Variants in GRM7 observed in about 807,000 individuals in gnomAD.
GRM7 encodes glutamate metabotropic receptor 7, also known as metabotropic glutamate receptor 7.
A neutral mutation model predicts 84.5 loss-of-function variants in GRM7; 35 were observed. That is an observed-to-expected ratio of 0.41 (90% CI 0.32 to 0.55). The LOEUF (loss-of-function observed/expected upper bound fraction) is 0.55. Ranked by LOEUF, GRM7 falls within the 20% of genes least tolerant of loss-of-function variation. GRM7 has a pLI of 0.19. For missense variants in GRM7, 1,003 were observed against 1,194.6 expected (o/e 0.84, Z 2.36); for synonymous variants, 487 against 455.1 (o/e 1.07, Z -0.89).
chr3:7,170,255 G>A (rs1179034828), intron 2 of GRM7, among the ~76,000 whole-genome samples: 1 of 152,186 alleles, frequency 6.6e-6, no homozygotes, highest in Non-Finnish European at 1.5e-5. Context: ...AGTACATTAA[G>A]TGGGTATTGG....
chr3:7,099,362 G>GTATACATA (rs1236652729), intron 1 of GRM7, among the ~76,000 whole-genome samples: 2 of 146,350 alleles, frequency 1.4e-5, no homozygotes, highest in East Asian at 4.0e-4. Flanking sequence ...ATGTACACAT[G>GTATACATA]TATACATATA....
intron 1 of GRM7, among the ~76,000 whole-genome samples, chr3:6,904,140 T>G (rs959291046): frequency 6.6e-6 from 1 of 152,206 alleles, no homozygotes; most frequent in Non-Finnish European, 1.5e-5. Context: ...TCCATTTTGC[T>G]TATACAATAT....
intron 2 of GRM7, among the ~76,000 whole-genome samples, chr3:7,154,184 A>T (rs1266342357): frequency 6.6e-6 from 1 of 152,202 alleles, no homozygotes; most frequent in African/African-American, 2.4e-5. Context: ...TAAACCAAGA[A>T]CATCGGGTTC....
At chr3:7,710,447 G>A (rs909657700) in intron 9 of GRM7, among the ~76,000 whole-genome samples, 1 of 152,032 alleles carries the variant, frequency 6.6e-6, no homozygotes, top group Non-Finnish European at 1.5e-5. Context: ...GTAATTTCAG[G>A]GTGCCTTGTT....
At chr3:7,540,746 T>C (rs1288550297) in intron 7 of GRM7, among the ~76,000 whole-genome samples, 2 of 152,298 alleles carry the variant, frequency 1.3e-5, no homozygotes, top group East Asian at 1.9e-4. Context: ...CAAAAAGATA[T>C]GTAAAGAAGA....
intron 1 of GRM7, among the ~76,000 whole-genome samples, chr3:7,122,689 T>A (rs1331693483): frequency 6.6e-6 from 1 of 152,220 alleles, no homozygotes; most frequent in Non-Finnish European, 1.5e-5. Flanking sequence ...CAAAAGATAT[T>A]TCAGTGCTAA....
chr3:7,390,804 GT>G (rs200731432), intron 4 of GRM7, among the ~76,000 whole-genome samples: 5 of 150,292 alleles, frequency 3.3e-5, no homozygotes, highest in African/African-American at 7.3e-5. Context: ...GTCTGGTTGA[GT>G]TTTTTTTTGC....
chr3:6,883,147 T>C (rs941438058), intron 1 of GRM7, among the ~76,000 whole-genome samples: 2 of 152,194 alleles, frequency 1.3e-5, no homozygotes, highest in African/African-American at 4.8e-5. Context: ...ACTATATTTC[T>C]TTGGTTAATA....
intron 4 of GRM7, among the ~76,000 whole-genome samples, chr3:7,344,678 G>T (rs1446279824): frequency 6.6e-6 from 1 of 152,250 alleles, no homozygotes; most frequent in Non-Finnish European, 1.5e-5. Context: ...TACACAGAAA[G>T]ATAAATATCA....
intron 2 of GRM7, among the ~76,000 whole-genome samples, chr3:7,291,936 A>C (rs779280998): frequency 7.9e-5 from 12 of 152,178 alleles, no homozygotes; most frequent in Non-Finnish European, 1.8e-4. Context: ...GTGGTGAATA[A>C]GTCTCAGGAG....
At chr3:7,649,297 C>T (rs1053101776) in intron 8 of GRM7, among the ~76,000 whole-genome samples, 4 of 152,044 alleles carry the variant, frequency 2.6e-5, no homozygotes, top group African/African-American at 9.7e-5. Context: ...TCCCGATCTC[C>T]TGACCTCGTG....
chr3:7,102,089 C>A (rs1019936320), intron 1 of GRM7, among the ~76,000 whole-genome samples: 1 of 151,642 alleles, frequency 6.6e-6, no homozygotes, highest in East Asian at 1.9e-4. Context: ...TATTTTACAG[C>A]AACTAAGAAA....
intron 1 of GRM7, among the ~76,000 whole-genome samples, chr3:7,058,507 T>A (rs1024269242): frequency 6.6e-6 from 1 of 151,924 alleles, no homozygotes; most frequent in East Asian, 1.9e-4. Context: ...AATATTGTCA[T>A]TCATCTGGTT....
intron 4 of GRM7, among the ~76,000 whole-genome samples, chr3:7,370,821 G>A (rs912148223): frequency 1.3e-5 from 2 of 152,096 alleles, no homozygotes; most frequent in African/African-American, 4.8e-5. Context: ...CAGAATTCAT[G>A]TTTCCTCTTC....
chr3:7,509,717 A>T (rs972550738), intron 7 of GRM7, among the ~76,000 whole-genome samples: 2 of 152,168 alleles, frequency 1.3e-5, no homozygotes, highest in African/African-American at 2.4e-5. Context: ...ATGGTAGAGA[A>T]GGCAGCCACA....
intron 1 of GRM7, among the ~76,000 whole-genome samples, chr3:6,884,038 T>C (rs1359790511): frequency 6.6e-6 from 1 of 152,240 alleles, no homozygotes; most frequent in African/African-American, 2.4e-5. Flanking sequence ...ATCAGTGAGA[T>C]GACATTTAGT....
At chr3:7,629,893 C>T (rs1188504203) in intron 8 of GRM7, among the ~76,000 whole-genome samples, 1 of 152,082 alleles carries the variant, frequency 6.6e-6, no homozygotes, top group African/African-American at 2.4e-5. Context: ...GATTTATTCC[C>T]AGAACAGATA....
At position 7,484,870 on chromosome 3, in the gene GRM7, T is replaced by C. The variant is rs964399734; in HGVS notation, c.1515+23148T>C. ...TGAAATAGACAAAGGTGGTAGGATG[T>C]TCCTTTCTGAAATTAGGTTACAAAA... On this transcript the variant is annotated intron_variant, in intron 7 of 9. Transcript: ENST00000357716. 2.0e-5 allele frequency among the ~76,000 whole-genome samples: 3 copies of C among 152,322 alleles called. No homozygotes were observed. The East Asian group carries it at 5.8e-4, about 29-fold the overall frequency.
intron 1 of GRM7, among the ~76,000 whole-genome samples, chr3:6,938,532 T>A (rs998892853): frequency 5.3e-5 from 8 of 152,074 alleles, no homozygotes; most frequent in African/African-American, 1.9e-4. Context: ...TCTGGATCAC[T>A]GCGGTAGGCT....
Sources: gnomAD v4.1 joint callset for allele counts (sites outside exome capture counted in the v4.1 genomes callset) on GRCh38, gnomAD v4.1.1 for gene constraint, MANE v1.5 for transcripts, NCBI Gene and HGNC (gene_info 2026-07-23, HGNC 2026-07-21) for gene names.